Variants in SLC36A1 observed in about 807,000 individuals in gnomAD.
The protein encoded by SLC36A1 is proton-coupled amino acid transporter 1.
In SLC36A1, 30 loss-of-function variants were observed where a neutral mutation model predicts 47.5. The ratio of observed to expected loss-of-function variants is 0.63; its 90% CI spans 0.47 to 0.86. SLC36A1 has a LOEUF of 0.86. Among genes scored for constraint, SLC36A1 ranks in the 40% least tolerant of loss-of-function variants. The probability of loss-of-function intolerance (pLI) is 0.00; values close to 1 mark genes in which losing one functional copy is unlikely to be tolerated. For synonymous variants in SLC36A1, 255 were observed against 249.7 expected, an observed-to-expected ratio of 1.02 and a Z score of -0.20; for missense variants, 517 against 606.0, an observed-to-expected ratio of 0.85 and a Z score of 1.54.
chr5:151,358,831 G>A, the SLC36A1 span, among the ~76,000 whole-genome samples: 12 of 151,642 alleles, frequency 7.9e-5, no homozygotes, highest in African/African-American at 2.2e-4. Context: ...AAAATTAGCC[G>A]GGCGCGGTGG....
At chr5:151,436,422 C>A (rs1759781013), upstream of SLC36A1, among the ~76,000 whole-genome samples, 1 of 152,036 alleles carries the variant, frequency 6.6e-6, no homozygotes, top group Non-Finnish European at 1.5e-5. Flanking sequence ...GCCACCCCAC[C>A]ATATCCACCA....
chr5:151,458,930 C>G lies in SLC36A1; in HGVS notation c.138C>G (p.Ser46Arg). ...ACCAGCGCTTTGGTCAAAGCAATAG[C>G]ACAACGTGAGTAGCTGTTACCTTCT... ...GSYQRFGQSN[S>R]TTWFQTLIHL... Residue 46 changes from serine to arginine, a missense_variant, in exon 2 of 11, where the codon AGC (serine) becomes AGG (arginine). Transcript: ENST00000243389. 6.2e-7 allele frequency: 1 copy of G among 1,609,920 alleles called. No individual in the cohort carries two copies. The highest frequency in any genetic ancestry group is 8.5e-7 in the Non-Finnish European group (1 of 1,177,726).
At chr5:151,496,291 G>C (rs1478076874), downstream of SLC36A1, among the ~76,000 whole-genome samples, 1 of 152,168 alleles carries the variant, frequency 6.6e-6, no homozygotes, top group East Asian at 1.9e-4. Flanking sequence ...CGCCGCGATT[G>C]TGAGGCCTCC....
In SLC36A1 at chr5:151,490,187, A is replaced by G. The variant is rs1400411853; in HGVS notation, c.*1933A>G. 4 of 152,176 alleles carry G rather than the reference A, an allele frequency of 2.6e-5. No homozygotes were observed. Among genetic ancestry groups the G allele is most frequent in the South Asian group, 2.1e-4 (1 of 4,824 alleles). The allele number at this position is 152,176 out of a possible 1,614,324, so 9.4% of individuals were successfully genotyped here. A position where few individuals can be genotyped will look rare whatever the true frequency, so the allele number is the denominator to read the frequency against. On this transcript the variant is annotated 3_prime_UTR_variant, in exon 11 of 11. Transcript: ENST00000243389. ...GATTTTCACCCACCCTTTCTGTTCT[A>G]TGGTGGACTCTTAACAGGTGCTATG... is the stretch of plus-strand genomic sequence containing the variant.
chr5:151,435,190 A>G (rs376315518), upstream of SLC36A1, among the ~76,000 whole-genome samples: 87 of 152,306 alleles, frequency 5.7e-4, no homozygotes, highest in African/African-American at 1.9e-3. Context: ...TGTTACATTC[A>G]AAAGGGTTGC....
the SLC36A1 span, among the ~76,000 whole-genome samples, chr5:151,408,482 T>C: frequency 7.5e-3 from 1,124 of 150,152 alleles, 21 homozygotes; most frequent in African/African-American, 0.027. Context: ...CCACCGTGCC[T>C]GGCCAAGTCA....
At chr5:151,525,699 C>T in the SLC36A1 span, 3,111 of 1,567,670 alleles carry the variant, frequency 2.0e-3, 59 homozygotes, top group African/African-American at 0.037. Context: ...GACAGAAGCA[C>T]TGGTGGGGCT....
chr5:151,396,059 C>T, the SLC36A1 span, among the ~76,000 whole-genome samples: 6 of 152,028 alleles, frequency 3.9e-5, no homozygotes, highest in South Asian at 2.1e-4. Flanking sequence ...ACCTGCTCAC[C>T]GTGGCCTCCC....
chr5:151,544,058 G>T, the SLC36A1 span: 3 of 1,614,156 alleles, frequency 1.9e-6, no homozygotes, highest in African/African-American at 4.0e-5. Context: ...GTGAGTGGGG[G>T]ATCTCCTTTA....
chr5:151,459,156 G>A (rs1187108331), intron 2 of SLC36A1, among the ~76,000 whole-genome samples: 2 of 152,146 alleles, frequency 1.3e-5, no homozygotes, highest in Non-Finnish European at 2.9e-5. Context: ...GGCCCCCCAA[G>A]GCTGGTGCCA....
upstream of SLC36A1, among the ~76,000 whole-genome samples, chr5:151,433,241 TATATATATA>T (rs1759499139): frequency 9.0e-5 from 1 of 11,162 alleles, no homozygotes; most frequent in Non-Finnish European, 2.1e-4. Context: ...TATATATATA[TATATATATA>T]TATATATATA....
chr5:151,350,872 A>T, the SLC36A1 span, among the ~76,000 whole-genome samples: 1 of 151,748 alleles, frequency 6.6e-6, no homozygotes, highest in Non-Finnish European at 1.5e-5. Context: ...TAATTTTTGT[A>T]TTTTTTGTAG....
the SLC36A1 span, among the ~76,000 whole-genome samples, chr5:151,539,043 G>A: frequency 1.6e-4 from 24 of 152,094 alleles, no homozygotes; most frequent in South Asian, 4.2e-4. Context: ...AACCATCTCC[G>A]GGAGGGCCAG....
chr5:151,347,396 G>A, the SLC36A1 span: 108 of 1,614,192 alleles, frequency 6.7e-5, 2 homozygotes, highest in South Asian at 4.8e-4. Flanking sequence ...TTCAGGAGGC[G>A]ACATAAGGTC....
At chr5:151,400,795 G>T in the SLC36A1 span, among the ~76,000 whole-genome samples, 3 of 152,020 alleles carry the variant, frequency 2.0e-5, no homozygotes, top group Non-Finnish European at 4.4e-5. Context: ...ATTTTTTCAT[G>T]TTTGGTGGCC....
the SLC36A1 span, among the ~76,000 whole-genome samples, chr5:151,421,771 T>C: frequency 4.0e-5 from 6 of 151,576 alleles, no homozygotes; most frequent in African/African-American, 1.5e-4. Context: ...TTTGTATTTT[T>C]AGTAGAGACA....
At chr5:151,538,361 G>C in the SLC36A1 span, among the ~76,000 whole-genome samples, 2 of 152,192 alleles carry the variant, frequency 1.3e-5, no homozygotes, top group Non-Finnish European at 2.9e-5. Context: ...GAAGGTGTCA[G>C]GTCAACCTCC....
chr5:151,532,443 G>A, the SLC36A1 span, among the ~76,000 whole-genome samples: 2 of 151,890 alleles, frequency 1.3e-5, no homozygotes, highest in African/African-American at 4.8e-5. Context: ...ACAGAAACTG[G>A]TGAAATCTGA....
At chr5:151,404,378 T>C in the SLC36A1 span, among the ~76,000 whole-genome samples, 1 of 152,206 alleles carries the variant, frequency 6.6e-6, no homozygotes, top group African/African-American at 2.4e-5. Flanking sequence ...CTTCCCACTT[T>C]GTGCCTTTTA....
Sources: gnomAD v4.1 joint callset for allele counts (sites outside exome capture counted in the v4.1 genomes callset) on GRCh38, gnomAD v4.1.1 for gene constraint, MANE v1.5 for transcripts, NCBI Gene and HGNC (gene_info 2026-07-23, HGNC 2026-07-21) for gene names.